Variants in LRP1B observed in about 807,000 individuals in gnomAD.
The protein encoded by LRP1B is low-density lipoprotein receptor-related protein 1B.
In LRP1B, 217 loss-of-function variants were observed where a neutral mutation model predicts 556.6. The observed-to-expected ratio is 0.39, with a 90% CI of 0.35 to 0.44. The LOEUF is 0.44. Ranked by LOEUF, LRP1B falls within the 20% of genes least tolerant of loss-of-function variation. The pLI, the probability that LRP1B is intolerant of heterozygous loss-of-function variation, is 1.00. For synonymous variants in LRP1B, 2,047 were observed against 1,865.8 expected (o/e 1.10, Z -2.50); for missense variants, 5,053 against 5,620.8 (o/e 0.90, Z 3.23).
chr2:141,402,191 T>C (rs1194692149), intron 3 of LRP1B, among the ~76,000 whole-genome samples: 2 of 152,176 alleles, frequency 1.3e-5, no homozygotes, highest in African/African-American at 2.4e-5. Flanking sequence ...GCCTCATGTA[T>C]TTTAGCATAG....
At chr2:140,703,032 C>T (rs1371279635) in intron 37 of LRP1B, among the ~76,000 whole-genome samples, 8 of 152,096 alleles carry the variant, frequency 5.3e-5, no homozygotes, top group African/African-American at 1.9e-4. Context: ...GTGATCACTC[C>T]TCTATTTTCA....
At chr2:140,937,505 G>C (rs1695265082) in intron 20 of LRP1B, among the ~76,000 whole-genome samples, 1 of 152,038 alleles carries the variant, frequency 6.6e-6, no homozygotes, top group Non-Finnish European at 1.5e-5. Context: ...GAGATGACAA[G>C]ATTTCTAGGT....
intron 11 of LRP1B, among the ~76,000 whole-genome samples, chr2:141,025,059 G>A (rs1356782921): frequency 9.2e-5 from 14 of 152,058 alleles, no homozygotes; most frequent in Non-Finnish European, 5.9e-5. Context: ...GAGATCCATG[G>A]AGAAATGTCT....
At chr2:140,276,241 A>G (rs1682667725) in intron 84 of LRP1B, among the ~76,000 whole-genome samples, 1 of 152,014 alleles carries the variant, frequency 6.6e-6, no homozygotes, top group South Asian at 2.1e-4. Flanking sequence ...CTAGCCCTTT[A>G]TTAAATCAGA....
At chr2:141,288,861 G>A (rs1373467801) in intron 3 of LRP1B, among the ~76,000 whole-genome samples, 2 of 152,106 alleles carry the variant, frequency 1.3e-5, no homozygotes, top group Non-Finnish European at 2.9e-5. Flanking sequence ...CTGACCTAGA[G>A]AATAGCGATC....
chr2:141,912,542 A>G (rs112483118), intron 1 of LRP1B, among the ~76,000 whole-genome samples: 10 of 152,292 alleles, frequency 6.6e-5, no homozygotes, highest in African/African-American at 2.4e-4. Context: ...TCAATAGAAA[A>G]ACTATGAGAA....
At chr2:140,564,568 A>C (rs1449628292) in intron 43 of LRP1B, among the ~76,000 whole-genome samples, 1 of 152,146 alleles carries the variant, frequency 6.6e-6, no homozygotes, top group Non-Finnish European at 1.5e-5. Context: ...TAGGAGATAA[A>C]TGTCATTGAA....
At chr2:141,792,132 C>T (rs1695634837) in intron 2 of LRP1B, among the ~76,000 whole-genome samples, 1 of 151,698 alleles carries the variant, frequency 6.6e-6, no homozygotes, top group Non-Finnish European at 1.5e-5. Flanking sequence ...CTAGTATTCA[C>T]TTTGTTTATA....
chr2:141,391,370 A>G (rs1336148718), intron 3 of LRP1B, among the ~76,000 whole-genome samples: 1 of 152,204 alleles, frequency 6.6e-6, no homozygotes, highest in African/African-American at 2.4e-5. Flanking sequence ...ATTTAAACTT[A>G]TCTACAGAAT....
At chr2:141,723,032 C>T (rs985542991) in intron 2 of LRP1B, among the ~76,000 whole-genome samples, 1 of 151,604 alleles carries the variant, frequency 6.6e-6, no homozygotes, top group Non-Finnish European at 1.5e-5. Context: ...TTATTGCCTA[C>T]TTGCATTTTA....
At chr2:141,797,856 T>C (rs970996630) in intron 2 of LRP1B, among the ~76,000 whole-genome samples, 1 of 152,180 alleles carries the variant, frequency 6.6e-6, no homozygotes, top group Non-Finnish European at 1.5e-5. Context: ...CAGAAAAACC[T>C]TGATTGTGTG....
chr2:141,561,229 C>T (rs1009073359), intron 2 of LRP1B, among the ~76,000 whole-genome samples: 1 of 151,644 alleles, frequency 6.6e-6, no homozygotes. Flanking sequence ...ATGCTATATG[C>T]CATTATGTTC....
At chr2:142,050,857 T>C (rs534912269) in intron 1 of LRP1B, among the ~76,000 whole-genome samples, 1 of 152,320 alleles carries the variant, frequency 6.6e-6, no homozygotes, top group Non-Finnish European at 1.5e-5. Context: ...CCAAACATTC[T>C]ACCTCATTCA....
chr2:140,547,797 T>C (rs1680398709), intron 43 of LRP1B, among the ~76,000 whole-genome samples: 1 of 151,930 alleles, frequency 6.6e-6, no homozygotes, highest in Admixed American at 6.6e-5. Context: ...AACTATAGAC[T>C]TTTGTGATTT....
chr2:141,289,187 A>G (rs1002823210), intron 3 of LRP1B, among the ~76,000 whole-genome samples: 1 of 151,932 alleles, frequency 6.6e-6, no homozygotes, highest in Admixed American at 6.6e-5. Context: ...GACTGAGACC[A>G]TGCTGGCTAA....
intron 2 of LRP1B, among the ~76,000 whole-genome samples, chr2:141,628,657 A>T (rs1476315813): frequency 1.3e-5 from 2 of 151,106 alleles, no homozygotes; most frequent in African/African-American, 2.4e-5. Flanking sequence ...CAAGTTTCTA[A>T]TTTTTTTTTG....
chr2:141,783,968 T>A (rs1325094285), intron 2 of LRP1B, among the ~76,000 whole-genome samples: 1 of 151,896 alleles, frequency 6.6e-6, no homozygotes, highest in East Asian at 1.9e-4. Flanking sequence ...GTCAATCTCT[T>A]GAAAATTAGC....
chr2:141,143,275 T>C (rs1053015108), intron 7 of LRP1B, among the ~76,000 whole-genome samples: 1 of 152,070 alleles, frequency 6.6e-6, no homozygotes, highest in Admixed American at 6.5e-5. Flanking sequence ...CTTTTCTCTA[T>C]ATCTTTGCAT....
chr2:140,494,863 C>T (rs1218008417), intron 56 of LRP1B, among the ~76,000 whole-genome samples: 1 of 151,764 alleles, frequency 6.6e-6, no homozygotes, highest in African/African-American at 2.4e-5. Context: ...AAGAAACTGG[C>T]AATAATATTT....
Sources: allele counts gnomAD v4.1 joint callset (sites outside exome capture counted in the v4.1 genomes callset), GRCh38; gene constraint gnomAD v4.1.1; transcripts MANE v1.5; gene names NCBI Gene and HGNC (gene_info 2026-07-23, HGNC 2026-07-21).